The following SGK3 variants were observed in gnomAD, a reference collection of about 807,000 sequenced individuals.
SGK3 encodes the protein serine/threonine-protein kinase Sgk3.
A neutral mutation model predicts 68.5 loss-of-function variants in SGK3; 47 were observed. That is an observed-to-expected ratio of 0.69 (90% CI 0.54 to 0.87). SGK3 has a LOEUF of 0.87. SGK3 is among the 40% of genes least tolerant of loss of function. The pLI is 0.00. For missense variants in SGK3, 479 were observed against 575.5 expected (o/e 0.83, Z 1.72); for synonymous variants, 181 against 189.1 (o/e 0.96, Z 0.35).
At position 66,843,463 on chromosome 8, in the gene SGK3, T is replaced by C. The variant is rs774022905; in HGVS notation, c.990T>C (p.Pro330=). 1 of 1,613,404 alleles carries C rather than the reference T, an allele frequency of 6.2e-7. No individual in the cohort carries two copies. The highest frequency in any genetic ancestry group is 1.7e-5 in the Admixed American group (1 of 59,964). ...TFCGTPEYLA[P]EVIRKQPYDN... is the part of the protein sequence containing the mutation. ...ATTGTTTTCTATAGTATCTTGCACCTGAAGTAATTAGAAAACAGCCCTATG... is the reference window on the plus strand; with the variant it reads ...ATTGTTTTCTATAGTATCTTGCACCCGAAGTAATTAGAAAACAGCCCTATG... The change falls in exon 14 of 17, where the codon CCT becomes CCC. Residue 330 remains proline (P), a synonymous_variant. Coordinates refer to ENST00000521198, the MANE Select transcript of SGK3 (RefSeq NM_001033578.3).
At chr8:66,732,273 A>G (rs901435679) in intron 1 of SGK3, among the ~76,000 whole-genome samples, 5 of 152,186 alleles carry the variant, frequency 3.3e-5, no homozygotes, top group African/African-American at 1.2e-4. Context: ...TTCCTCAACT[A>G]AAAATATTTG....
intron 5 of SGK3, among the ~76,000 whole-genome samples, chr8:66,818,547 T>G (rs1808686883): frequency 6.6e-6 from 1 of 152,192 alleles, no homozygotes; most frequent in East Asian, 1.9e-4. Context: ...ACCCCTGAGA[T>G]CTCTTACACA....
chr8:66,744,798 G>T (rs1805603440), intron 1 of SGK3, among the ~76,000 whole-genome samples: 1 of 148,910 alleles, frequency 6.7e-6, no homozygotes, highest in Admixed American at 6.7e-5. Context: ...GAGCCACCAT[G>T]CCTAGCCTTT....
intron 1 of SGK3, among the ~76,000 whole-genome samples, chr8:66,766,410 C>T (rs1806320527): frequency 6.6e-6 from 1 of 152,102 alleles, no homozygotes; most frequent in African/African-American, 2.4e-5. Context: ...GTAGTCTCAG[C>T]TACTCGAGAG....
At chr8:66,793,959 A>G (rs1484290825) in intron 2 of SGK3, 127 bp downstream of exon 2, 1 of 1,002,602 alleles carries the variant, frequency 1.0e-6, no homozygotes, top group Non-Finnish European at 1.5e-6. Flanking sequence ...TACTTCTTTC[A>G]CATGATCTGT....
intron 1 of SGK3, among the ~76,000 whole-genome samples, chr8:66,760,593 C>T (rs1806136142): frequency 6.6e-6 from 1 of 152,034 alleles, no homozygotes; most frequent in Admixed American, 6.6e-5. Context: ...CTCGGCCTCC[C>T]AAAGTGCTGG....
intron 1 of SGK3, among the ~76,000 whole-genome samples, chr8:66,792,785 G>A (rs554418594): frequency 5.3e-5 from 8 of 152,186 alleles, no homozygotes; most frequent in Non-Finnish European, 8.8e-5. Context: ...GCAGCTACTT[G>A]GAAGGCTCAA....
rs1187627664 is a variant in SGK3, at chr8:66,712,813, G to T, written c.-142G>T. ...GTTCGGCTCCGCGCCCGCCGCGCCG[G>T]GAGCAGCACCGCGGGGCCAGGTAGG... On this transcript the variant is annotated 5_prime_UTR_variant, in exon 1 of 17. Coordinates refer to ENST00000521198, the MANE Select transcript of SGK3 (RefSeq NM_001033578.3). The T allele has an allele frequency of 6.6e-6, 1 of 151,410 alleles. No homozygotes were observed. Among genetic ancestry groups the T allele is most frequent in the Non-Finnish European group, 1.5e-5 (1 of 67,786 alleles). 9.4% of individuals were successfully genotyped at this position (151,410 alleles called of 1,614,324 possible). A position where few individuals can be genotyped will look rare whatever the true frequency, so the allele number is the denominator to read the frequency against.
chr8:66,719,189 G>C (rs1804728412), intron 1 of SGK3, among the ~76,000 whole-genome samples: 1 of 151,930 alleles, frequency 6.6e-6, no homozygotes, highest in Admixed American at 6.5e-5. Context: ...TGCTACTGCT[G>C]CTGTTTTTAT....
chr8:66,761,260 A>G (rs906090620), intron 1 of SGK3, among the ~76,000 whole-genome samples: 2 of 152,168 alleles, frequency 1.3e-5, no homozygotes, highest in Admixed American at 6.5e-5. Context: ...CTACAGGTGC[A>G]TGCCACCATG....
intron 1 of SGK3, among the ~76,000 whole-genome samples, chr8:66,774,863 A>T (rs1225848861): frequency 6.6e-6 from 1 of 151,918 alleles, no homozygotes; most frequent in East Asian, 1.9e-4. Context: ...AAATGAGATT[A>T]TGCCAGTGTC....
At position 66,717,584 on chromosome 8, in the gene SGK3, G is replaced by A. The variant is rs191287618; in HGVS notation, c.-122+4751G>A. Among the ~76,000 whole-genome samples the A allele has an allele frequency of 1.3e-3, 200 of 152,256 alleles. 1 individual carries two copies. The highest frequency in any genetic ancestry group is 4.7e-3 in the African/African-American group (196 of 41,546). ...TGTAATATATTCATATACAAAAGTA[G>A]GACTCACTGATTAGCCAGTCTACAG... is the stretch of plus-strand genomic sequence containing the variant. On this transcript the variant is annotated intron_variant, in intron 1 of 16. Coordinates refer to ENST00000521198, the MANE Select transcript of SGK3 (RefSeq NM_001033578.3).
At position 66,847,263 on chromosome 8, in the gene SGK3, C is replaced by T; in HGVS notation, c.1145C>T (p.Pro382Leu). Reference protein sequence around the residue: ...NILHKPLSLRPGVSLTAWSIL... With the variant: ...NILHKPLSLRLGVSLTAWSIL... The stretch of plus-strand genomic sequence containing the variant: ...CTTCACAAACCCCTAAGTTTGAGGC[C>T]AGGAGTGAGTCTTACAGCCTGGTCC... The change falls in exon 15 of 17, where the codon CCA (proline) becomes CTA (leucine). Residue 382 changes from proline to leucine, a missense_variant. Physicochemically the swap from Pro to Leu is moderately conservative, Grantham distance 98. Around this residue, in one of 3 missense-constraint regions of SGK3, gnomAD observed 173 missense variants for 214.3 expected, o/e 0.81. Transcript: ENST00000521198. 1 of 1,613,860 alleles carries T rather than the reference C, an allele frequency of 6.2e-7. No individual in the cohort carries two copies.
chr8:66,847,269 T>C lies in SGK3; in HGVS notation c.1151T>C (p.Val384Ala). The C allele has an allele frequency of 6.2e-7, 1 of 1,613,844 alleles. No homozygotes were observed. The highest frequency in any genetic ancestry group is 8.5e-7 in the Non-Finnish European group (1 of 1,179,990). ...AAACCCCTAAGTTTGAGGCCAGGAGTGAGTCTTACAGCCTGGTCCATTCTG... is the reference window on the plus strand; with the variant it reads ...AAACCCCTAAGTTTGAGGCCAGGAGCGAGTCTTACAGCCTGGTCCATTCTG... ...LHKPLSLRPGVSLTAWSILEE... is the reference protein window; with the variant it reads ...LHKPLSLRPGASLTAWSILEE... Residue 384 changes from valine (V) to alanine (A), a missense_variant, in exon 15 of 17, where the codon GTG becomes GCG. This residue lies in a region of SGK3 where 173 missense variants were observed against 214.3 expected (regional missense o/e 0.81). Transcript: ENST00000521198.
At chr8:66,723,322 T>C (rs1350831241) in intron 1 of SGK3, among the ~76,000 whole-genome samples, 1 of 150,162 alleles carries the variant, frequency 6.7e-6, no homozygotes, top group African/African-American at 2.5e-5. Context: ...CTCATGCCTG[T>C]AATCCCAGCT....
intron 2 of SGK3, among the ~76,000 whole-genome samples, chr8:66,795,933 A>C (rs1025401360): frequency 2.6e-5 from 4 of 152,030 alleles, no homozygotes; most frequent in African/African-American, 7.2e-5. Flanking sequence ...GAACTTCTTC[A>C]CTATTGTTTC....
intron 1 of SGK3, among the ~76,000 whole-genome samples, chr8:66,716,357 C>T (rs1804630889): frequency 1.3e-5 from 2 of 152,226 alleles, no homozygotes; most frequent in East Asian, 1.9e-4. Flanking sequence ...CAATTCAAAG[C>T]GTCACCCAGT....
intron 8 of SGK3, among the ~76,000 whole-genome samples, chr8:66,831,909 A>G (rs1563650706): frequency 1.3e-5 from 2 of 151,272 alleles, no homozygotes; most frequent in South Asian, 4.2e-4. Flanking sequence ...CATGGTTACT[A>G]CCTTTGTGGT....
At chr8:66,721,685 A>AG (rs1563594319) in intron 1 of SGK3, among the ~76,000 whole-genome samples, 2 of 144,994 alleles carry the variant, frequency 1.4e-5, no homozygotes, top group African/African-American at 5.0e-5. Flanking sequence ...GCTATTTATA[A>AG]TTTTTTTTTT....
Sources: gnomAD v4.1 joint callset for allele counts (sites outside exome capture counted in the v4.1 genomes callset) on GRCh38, gnomAD v4.1.1 for gene constraint, gnomAD v4.1.1 regional missense constraint, MANE v1.5 for transcripts, NCBI Gene and HGNC (gene_info 2026-07-23, HGNC 2026-07-21) for gene names.